PARVB: variants seen among roughly 807,000 people sequenced by gnomAD.
PARVB encodes beta-parvin.
Under a neutral mutation model 47.0 loss-of-function variants are expected in PARVB, and 46 were observed. The ratio of observed to expected loss-of-function variants is 0.98; its 90% CI spans 0.77 to 1.25. The LOEUF is 1.25. Among genes scored for constraint, PARVB ranks in the 50% most tolerant of loss-of-function variants. The pLI is 0.00. For missense variants in PARVB, 473 were observed against 471.6 expected (o/e 1.00, Z -0.03); for synonymous variants, 196 against 196.3 (o/e 1.00, Z 0.01).
chr22:44,132,156 TGGCTTCAG>T (rs1188691659), intron 5 of PARVB, among the ~76,000 whole-genome samples: 4 of 152,170 alleles, frequency 2.6e-5, no homozygotes, highest in Admixed American at 6.5e-5. Context: ...CATGAGGGTG[TGGCTTCAG>T]GGCTCTCTGT....
intron 1 of PARVB, among the ~76,000 whole-genome samples, chr22:44,083,767 A>G (rs144641815): frequency 1.3e-5 from 2 of 152,274 alleles, no homozygotes; most frequent in Admixed American, 1.3e-4. Context: ...GGGTACCACT[A>G]TGAAGGTTTT....
chr22:44,132,778 A>G (rs1036043406), intron 5 of PARVB, 116 bp from the exon 6 acceptor site: 3 of 663,066 alleles, frequency 4.5e-6, no homozygotes, highest in Non-Finnish European at 8.1e-6. Context: ...ACTTCGCTCC[A>G]TCCTTGTCTC....
In PARVB at chr22:44,119,078, G is replaced by T; in HGVS notation, c.314G>T (p.Arg105Met). Residue 105 changes from arginine to methionine, a missense_variant, in exon 4 of 13, where the codon AGG becomes ATG. Transcript: ENST00000338758. ...ATTAATGACGTGCTGGTGGAGGAGA[G>T]GATCATTGTGAAGCAGCTGGAGGAA... ...DWINDVLVEE[R>M]IIVKQLEEDL... 6.2e-7 allele frequency: 1 copy of T among 1,614,158 alleles called. No individual in the cohort carries two copies. Among genetic ancestry groups the T allele is most frequent in the Middle Eastern group, 1.7e-4 (1 of 6,060 alleles).
At chr22:44,087,237 G>T (rs1376527490) in intron 1 of PARVB, among the ~76,000 whole-genome samples, 1 of 152,208 alleles carries the variant, frequency 6.6e-6, no homozygotes, top group Non-Finnish European at 1.5e-5. Context: ...TTCTCGCCCT[G>T]ATCTTTTGTT....
Position 44,094,967 on chromosome 22 carries a change from C to T in PARVB, c.202+950C>T, listed in dbSNP as rs1033126222. On this transcript the variant is annotated intron_variant, in intron 2 of 12. Transcript: ENST00000338758. Reference sequence around the variant, plus strand: ...CGTGGCGTGGCGTGGTATGGTGTGGCGTGGCGTGGCATGTCCCCAGGGCCA... The same window carrying T: ...CGTGGCGTGGCGTGGTATGGTGTGGTGTGGCGTGGCATGTCCCCAGGGCCA... Among the ~76,000 whole-genome samples, 14 of 151,292 alleles carry T rather than the reference C, an allele frequency of 9.3e-5. 1 individual carries two copies. The highest frequency in any genetic ancestry group is 3.9e-4 in the East Asian group (2 of 5,180).
chr22:44,103,231 G>A lies in PARVB; in HGVS notation c.273+3108G>A, dbSNP rs989597073. On this transcript the variant is annotated intron_variant, in intron 3 of 12. Transcript: ENST00000338758. The surrounding 1 kb of genome is among the most constrained non-coding windows in gnomAD (Gnocchi z 4.6). The stretch of plus-strand genomic sequence containing the variant: ...TGGGAAAGCTAATTAGCATCCTTTG[G>A]GGCAAAGTACAACTATGGGGCAAAA... 1 of 152,206 alleles carries A rather than the reference G, an allele frequency of 6.6e-6. No individual in the cohort carries two copies. Among genetic ancestry groups the A allele is most frequent in the Non-Finnish European group, 1.5e-5 (1 of 68,068 alleles). The allele number at this position is 152,206 out of a possible 1,614,324, so 9.4% of individuals were successfully genotyped here. A position where few individuals can be genotyped will look rare whatever the true frequency, so the allele number is the denominator to read the frequency against.
rs770639972 is a variant in PARVB at position 44,158,111 on chromosome 22, G to A, written c.945+28G>A. ...ATGTGCATGGTCTCCATCCTTGGTA[G>A]GGGCTCAAGAAATGCTCATTGAAAT... On this transcript the variant is annotated intron_variant, in intron 11 of 12. Transcript: ENST00000338758. 5 of 1,452,616 alleles carry A rather than the reference G, an allele frequency of 3.4e-6. No individual in the cohort carries two copies. The Admixed American group carries it at 8.4e-5, about 24-fold the overall frequency. The allele number at this position is 1,452,616 out of a possible 1,614,324, so 90.0% of individuals were successfully genotyped here.
chr22:44,129,755 G>A (rs73181260), intron 4 of PARVB, among the ~76,000 whole-genome samples: 5,330 of 152,278 alleles, frequency 0.035, 119 homozygotes, highest in Middle Eastern at 0.095. Context: ...TGCAGGATGT[G>A]TTTTGTTGGG....
intron 3 of PARVB, 64 bp from the exon 4 acceptor site, chr22:44,118,974 C>G: frequency 1.8e-6 from 2 of 1,118,486 alleles, no homozygotes; most frequent in South Asian, 2.5e-5. Context: ...TGCACTTTCC[C>G]TGGTCACTGC....
At chr22:44,009,606 AAT>A (rs555370289) in intron 2 of PARVB, 1 of 151,020 alleles carries the variant, frequency 6.6e-6, no homozygotes, top group Admixed American at 6.6e-5. Flanking sequence ...TGTAATATAT[AAT>A]ATATGTGATA....
intron 10 of PARVB, among the ~76,000 whole-genome samples, chr22:44,156,922 T>A (rs977045964): frequency 2.0e-5 from 3 of 152,096 alleles, no homozygotes; most frequent in African/African-American, 7.2e-5. Context: ...TTTGGTAACA[T>A]GAAGAAGTTC....
At chr22:44,038,234 A>T (rs1243336733) in intron 1 of PARVB, among the ~76,000 whole-genome samples, 1 of 152,072 alleles carries the variant, frequency 6.6e-6, no homozygotes, top group African/African-American at 2.4e-5. Context: ...TCACTGGGAG[A>T]TAATGATGAC....
At chr22:44,163,341 A>G (rs550874135) in intron 11 of PARVB, among the ~76,000 whole-genome samples, 1 of 152,282 alleles carries the variant, frequency 6.6e-6, no homozygotes, top group African/African-American at 2.4e-5. Flanking sequence ...AGCCGGGCAC[A>G]GTGATGCGTG....
intron 5 of PARVB, among the ~76,000 whole-genome samples, chr22:44,132,590 C>T (rs182404433): frequency 6.6e-6 from 1 of 152,322 alleles, no homozygotes; most frequent in Non-Finnish European, 1.5e-5. Flanking sequence ...GCTCTTTTCC[C>T]TTCTGTGCTA....
chr22:44,040,960 G>A (rs926407192), intron 1 of PARVB, among the ~76,000 whole-genome samples: 6 of 151,800 alleles, frequency 4.0e-5, no homozygotes, highest in African/African-American at 1.2e-4. Context: ...CCGAGATCAC[G>A]CCACTGCACT....
intron 8 of PARVB, chr22:44,143,334 G>A (rs2053596029): frequency 6.6e-6 from 1 of 152,290 alleles, no homozygotes; most frequent in Non-Finnish European, 1.5e-5. Context: ...CAAACTTTCA[G>A]GGGCACCCAC....
chr22:44,035,368 C>CTTTTTTT (rs57745730), intron 1 of PARVB, among the ~76,000 whole-genome samples: 1 of 118,038 alleles, frequency 8.5e-6, no homozygotes, highest in Admixed American at 9.2e-5. Flanking sequence ...TTTCTTTTTC[C>CTTTTTTT]TTTTTTTTTT....
At chr22:44,140,214 T>A in intron 8 of PARVB, 71 bp downstream of exon 8, 1 of 1,478,942 alleles carries the variant, frequency 6.8e-7, no homozygotes, top group Non-Finnish European at 9.5e-7. Context: ...CCAGAGAGTG[T>A]ACATGGTTAT....
At chr22:44,106,138 G>GTTTTTTTT (rs959620356) in intron 3 of PARVB, 3 of 69,352 alleles carry the variant, frequency 4.3e-5, no homozygotes, top group African/African-American at 6.7e-5. Context: ...AGCCAGATGT[G>GTTTTTTTT]TTTTTTTTTT....
Sources: allele counts gnomAD v4.1 joint callset (sites outside exome capture counted in the v4.1 genomes callset), GRCh38; gene constraint gnomAD v4.1.1; non-coding constraint Gnocchi (gnomAD v3.1); transcripts MANE v1.5; gene names NCBI Gene and HGNC (gene_info 2026-07-23, HGNC 2026-07-21).